AGBL4: variants seen among roughly 807,000 people sequenced by gnomAD.
AGBL4 encodes the protein cytosolic carboxypeptidase 6.
Under a neutral mutation model 66.4 loss-of-function variants are expected in AGBL4, and 58 were observed. The observed-to-expected ratio is 0.87, with a 90% CI of 0.71 to 1.09. The LOEUF is 1.09. Ranked by LOEUF, AGBL4 falls within the 50% of genes least tolerant of loss-of-function variation. The pLI is 0.00. For synonymous variants in AGBL4, 234 were observed against 222.9 expected, an observed-to-expected ratio of 1.05 and a Z score of -0.44; for missense variants, 579 against 631.0, an observed-to-expected ratio of 0.92 and a Z score of 0.88.
chr1:50,004,114 CTT>C (rs1660961954), intron 1 of AGBL4, among the ~76,000 whole-genome samples: 1 of 152,206 alleles, frequency 6.6e-6, no homozygotes, highest in South Asian at 2.1e-4. Flanking sequence ...GAAAAAGAAT[CTT>C]TGCGCACTTG....
At chr1:49,278,856 G>C (rs773028224) in intron 3 of AGBL4, among the ~76,000 whole-genome samples, 6 of 152,124 alleles carry the variant, frequency 3.9e-5, no homozygotes, top group Non-Finnish European at 8.8e-5. Context: ...AGCATGTTTA[G>C]TAAAGCTGAT....
chr1:48,893,580 G>C (rs1651193904), intron 5 of AGBL4, among the ~76,000 whole-genome samples: 1 of 152,064 alleles, frequency 6.6e-6, no homozygotes, highest in Admixed American at 6.6e-5. Flanking sequence ...AGCTACTCGG[G>C]AGGCTGAGGC....
At chr1:48,783,183 A>G (rs1645337167) in intron 6 of AGBL4, among the ~76,000 whole-genome samples, 1 of 152,158 alleles carries the variant, frequency 6.6e-6, no homozygotes, top group South Asian at 2.1e-4. Context: ...GGTTGATTCA[A>G]GGAAGGAACG....
At chr1:49,681,294 T>C (rs1646688980) in intron 3 of AGBL4, among the ~76,000 whole-genome samples, 1 of 152,210 alleles carries the variant, frequency 6.6e-6, no homozygotes, top group African/African-American at 2.4e-5. Context: ...TAAATATTTT[T>C]ATATTATCTT....
chr1:49,514,167 AG>A (rs1649538282), intron 3 of AGBL4, among the ~76,000 whole-genome samples: 1 of 151,930 alleles, frequency 6.6e-6, no homozygotes, highest in East Asian at 1.9e-4. Context: ...ATCTGCAAAC[AG>A]GGACAATTTG....
Position 49,181,398 on chromosome 1 carries a change from A to C in AGBL4, c.377+64372T>G, listed in dbSNP as rs187036221. The stretch of plus-strand genomic sequence containing the variant: ...GAGCTGCATTGTCTAGAACTTGATC[A>C]TCTACTGCAGCTTTGGAGTAAGAGA... On this transcript the variant is annotated intron_variant, in intron 4 of 13. Coordinates refer to ENST00000371839, the MANE Select transcript of AGBL4 (RefSeq NM_032785.4). 3.3e-5 allele frequency among the ~76,000 whole-genome samples: 5 copies of C among 152,320 alleles called. No individual in the cohort carries two copies. In the East Asian group the frequency reaches 9.6e-4, roughly 29 times the overall value.
At chr1:49,011,686 G>C (rs1232423701) in intron 5 of AGBL4, among the ~76,000 whole-genome samples, 1 of 152,062 alleles carries the variant, frequency 6.6e-6, no homozygotes, top group Non-Finnish European at 1.5e-5. Flanking sequence ...GTACACCATC[G>C]AATCCTATGC....
At chr1:49,565,055 T>C (rs1205117918) in intron 3 of AGBL4, among the ~76,000 whole-genome samples, 2 of 152,236 alleles carry the variant, frequency 1.3e-5, no homozygotes, top group Non-Finnish European at 2.9e-5. Flanking sequence ...CCTTTACCAT[T>C]ATGTAATGTC....
intron 6 of AGBL4, chr1:48,776,562 G>C: frequency 5.9e-6 from 6 of 1,016,156 alleles, no homozygotes; most frequent in Non-Finnish European, 6.4e-6. Context: ...CGGGGTCCCA[G>C]CCCCCGCCCG....
At chr1:49,380,521 GA>G (rs1337215951) in intron 3 of AGBL4, among the ~76,000 whole-genome samples, 4 of 151,974 alleles carry the variant, frequency 2.6e-5, no homozygotes, top group Admixed American at 1.3e-4. Flanking sequence ...AACCAAAAAA[GA>G]GCCCGCATCG....
At chr1:49,885,158 C>T (rs1023498813) in intron 1 of AGBL4, among the ~76,000 whole-genome samples, 2 of 151,852 alleles carry the variant, frequency 1.3e-5, no homozygotes, top group South Asian at 2.1e-4. Context: ...AAAACACCTT[C>T]GAAGAGGTAA....
At chr1:49,163,622 C>T (rs1266083457) in intron 4 of AGBL4, among the ~76,000 whole-genome samples, 1 of 152,122 alleles carries the variant, frequency 6.6e-6, no homozygotes, top group African/African-American at 2.4e-5. Context: ...GGTAATTATT[C>T]TCAATAAACG....
At chr1:49,361,745 G>T (rs1156658404) in intron 3 of AGBL4, among the ~76,000 whole-genome samples, 1 of 151,752 alleles carries the variant, frequency 6.6e-6, no homozygotes, top group Non-Finnish European at 1.5e-5. Flanking sequence ...ATTTTTCACT[G>T]TCTCCCTACA....
At chr1:49,408,720 T>C (rs547755466) in intron 3 of AGBL4, among the ~76,000 whole-genome samples, 30 of 152,322 alleles carry the variant, frequency 2.0e-4, no homozygotes, top group Admixed American at 1.8e-3. Flanking sequence ...ATTACACCAG[T>C]GGTTTGCCAG....
chr1:49,695,138 A>G (rs1571344880), intron 3 of AGBL4, among the ~76,000 whole-genome samples: 1 of 152,112 alleles, frequency 6.6e-6, no homozygotes. Context: ...TATGAAAAAA[A>G]AAGAGGAAAA....
chr1:48,770,773 T>C (rs148477059), intron 6 of AGBL4, among the ~76,000 whole-genome samples: 92 of 152,330 alleles, frequency 6.0e-4, no homozygotes, highest in African/African-American at 2.2e-3. Context: ...CACATCATCA[T>C]CATACACATT....
At chr1:49,738,738 G>T (rs1650130537) in intron 2 of AGBL4, among the ~76,000 whole-genome samples, 4 of 152,214 alleles carry the variant, frequency 2.6e-5, no homozygotes, top group Admixed American at 2.6e-4. Context: ...AGCAACATTT[G>T]CTGTTCACCA....
chr1:48,919,549 C>T (rs1398910768), intron 5 of AGBL4, among the ~76,000 whole-genome samples: 1 of 152,170 alleles, frequency 6.6e-6, no homozygotes, highest in East Asian at 1.9e-4. Context: ...TCACAGACCA[C>T]CAATGCACAG....
chr1:49,839,512 A>T (rs1645935471), intron 2 of AGBL4, among the ~76,000 whole-genome samples: 1 of 152,108 alleles, frequency 6.6e-6, no homozygotes, highest in Non-Finnish European at 1.5e-5. Context: ...ATCAGATCTC[A>T]TGTTAAAGAG....
Sources: allele counts gnomAD v4.1 joint callset (sites outside exome capture counted in the v4.1 genomes callset), GRCh38; gene constraint gnomAD v4.1.1; transcripts MANE v1.5; gene names NCBI Gene and HGNC (gene_info 2026-07-23, HGNC 2026-07-21).